The following VPS13B variants were observed in gnomAD, a reference collection of about 807,000 sequenced individuals.
VPS13B encodes the protein intermembrane lipid transfer protein VPS13B.
Under a neutral mutation model 426.4 loss-of-function variants are expected in VPS13B, and 285 were observed. The observed-to-expected ratio is 0.67, with a 90% confidence interval of 0.61 to 0.74. VPS13B has a LOEUF of 0.74. Among genes scored for constraint, VPS13B ranks in the 30% least tolerant of loss-of-function variants. The probability of loss-of-function intolerance (pLI) is 0.00; values close to 1 mark genes in which losing one functional copy is unlikely to be tolerated. For missense variants in VPS13B, 4,537 were observed against 4,782.6 expected, an observed-to-expected ratio of 0.95 and a Z score of 1.51; for synonymous variants, 1,676 against 1,676.4, an observed-to-expected ratio of 1.00 and a Z score of 0.01.
At chr8:99,056,474 T>C (rs911489990) in intron 3 of VPS13B, among the ~76,000 whole-genome samples, 4 of 152,220 alleles carry the variant, frequency 2.6e-5, no homozygotes, top group Non-Finnish European at 5.9e-5. Context: ...TGAAAATATA[T>C]AGAGATAGTT....
chr8:99,717,799 G>T (rs899758164), intron 37 of VPS13B, among the ~76,000 whole-genome samples: 2 of 152,096 alleles, frequency 1.3e-5, no homozygotes, highest in African/African-American at 4.8e-5. Flanking sequence ...TTCTGTGACC[G>T]ACTTCTTTCA....
chr8:99,562,159 C>T (rs1412692064), intron 31 of VPS13B, among the ~76,000 whole-genome samples: 1 of 152,042 alleles, frequency 6.6e-6, no homozygotes, highest in Non-Finnish European at 1.5e-5. Context: ...GGTGGTACAT[C>T]ATTGTGGTTT....
At chr8:99,398,751 G>A (rs973566545) in intron 21 of VPS13B, among the ~76,000 whole-genome samples, 5 of 151,344 alleles carry the variant, frequency 3.3e-5, no homozygotes, top group Admixed American at 2.0e-4. Context: ...ATAAGACTAT[G>A]TATCATTATA....
At chr8:99,618,418 T>C (rs1828204082) in intron 33 of VPS13B, among the ~76,000 whole-genome samples, 1 of 152,196 alleles carries the variant, frequency 6.6e-6, no homozygotes, top group Non-Finnish European at 1.5e-5. Flanking sequence ...CTAGGTCTGC[T>C]GAATCCTAGT....
intron 19 of VPS13B, among the ~76,000 whole-genome samples, chr8:99,308,231 C>A (rs992866040): frequency 2.0e-5 from 3 of 151,386 alleles, no homozygotes; most frequent in Non-Finnish European, 2.9e-5. Flanking sequence ...GCACAACGTG[C>A]AGGTTAGTTA....
chr8:99,219,446 C>T (rs1815569862), intron 17 of VPS13B, among the ~76,000 whole-genome samples: 1 of 152,170 alleles, frequency 6.6e-6, no homozygotes, highest in Admixed American at 6.5e-5. Context: ...AGTTTCTCCC[C>T]AAGGGATGTG....
intron 37 of VPS13B, among the ~76,000 whole-genome samples, chr8:99,717,890 A>G (rs1003552402): frequency 5.9e-5 from 9 of 152,198 alleles, no homozygotes; most frequent in African/African-American, 1.9e-4. Context: ...ACATTCCATC[A>G]TATGGATATA....
intron 60 of VPS13B, 172 bp from the exon 61 acceptor site, chr8:99,871,268 GGTTCTGTT>G: frequency 8.5e-6 from 8 of 944,044 alleles, no homozygotes; most frequent in African/African-American, 1.6e-5. Context: ...GGAGGAAGCA[GGTTCTGTT>G]AATCAGAATC....
chr8:99,411,248 G>T (rs1021433095), intron 21 of VPS13B, among the ~76,000 whole-genome samples: 1 of 151,918 alleles, frequency 6.6e-6, no homozygotes, highest in African/African-American at 2.4e-5. Context: ...TTTAATAATC[G>T]CCATTCTAAC....
At position 99,853,747 on chromosome 8, in the gene VPS13B, C is replaced by G; in HGVS notation, c.10358C>G (p.Pro3453Arg). 4 of 1,614,152 alleles carry G rather than the reference C, an allele frequency of 2.5e-6. No homozygotes were observed. Among genetic ancestry groups the G allele is most frequent in the Non-Finnish European group, 3.4e-6 (4 of 1,180,020 alleles). ...VLVCQGEKAE[P>R]IQCSKMQSLL... ...GTCTGCCAGGGAGAAAAAGCAGAAC[C>G]CATTCAGTGTTCCAAAATGCAGAGT... The change falls in exon 56 of 62, where the codon CCC becomes CGC. Residue 3453 changes from proline to arginine, a missense_variant. Physicochemically the swap from Pro to Arg is moderately radical, Grantham distance 103. This residue lies in a region of VPS13B where 4,311 missense variants were observed against 4,474.3 expected (regional missense o/e 0.96). Coordinates refer to ENST00000357162, the MANE Select transcript of VPS13B (RefSeq NM_152564.5).
At chr8:99,506,832 G>A (rs1265845371) in intron 27 of VPS13B, among the ~76,000 whole-genome samples, 2 of 152,210 alleles carry the variant, frequency 1.3e-5, no homozygotes, top group Non-Finnish European at 2.9e-5. Flanking sequence ...ACTCCAGCCT[G>A]GGCGACAGAG....
chr8:99,675,005 G>A (rs1588613340), intron 35 of VPS13B, among the ~76,000 whole-genome samples: 1 of 151,932 alleles, frequency 6.6e-6, no homozygotes, highest in Non-Finnish European at 1.5e-5. Flanking sequence ...AGAATAGTCT[G>A]CATTTGATGG....
At chr8:99,493,873 T>C (rs180838222) in intron 25 of VPS13B, among the ~76,000 whole-genome samples, 2 of 150,018 alleles carry the variant, frequency 1.3e-5, no homozygotes, top group South Asian at 2.1e-4. Context: ...CCTAATTTAA[T>C]AATTTTAAAG....
At chr8:99,794,834 A>AT (rs1190372715) in intron 43 of VPS13B, among the ~76,000 whole-genome samples, 2 of 152,046 alleles carry the variant, frequency 1.3e-5, no homozygotes, top group Non-Finnish European at 2.9e-5. Context: ...CTACTTTAAG[A>AT]TTTTTCTGAT....
At chr8:99,316,853 T>A (rs539437914) in intron 19 of VPS13B, among the ~76,000 whole-genome samples, 37 of 152,344 alleles carry the variant, frequency 2.4e-4, no homozygotes, top group Admixed American at 2.6e-4. Context: ...TATTTCCTGT[T>A]ATACCAGTAG....
intron 54 of VPS13B, among the ~76,000 whole-genome samples, chr8:99,845,274 T>G (rs898779804): frequency 3.3e-5 from 5 of 151,716 alleles, no homozygotes; most frequent in African/African-American, 1.2e-4. Context: ...CCTCAGGGGG[T>G]TTTGTTCTAC....
chr8:99,870,330 T>C (rs1817331691), intron 59 of VPS13B, among the ~76,000 whole-genome samples: 1 of 152,054 alleles, frequency 6.6e-6, no homozygotes, highest in Admixed American at 6.6e-5. Context: ...CACTATTTAT[T>C]TTTTGTAGAG....
At chr8:99,139,733 G>A (rs1287901057) in intron 12 of VPS13B, among the ~76,000 whole-genome samples, 5 of 151,752 alleles carry the variant, frequency 3.3e-5, no homozygotes, top group East Asian at 3.9e-4. Context: ...CACTGCGCCC[G>A]GCCCTCTGTT....
At chr8:99,333,822 G>C (rs1810673394) in intron 19 of VPS13B, among the ~76,000 whole-genome samples, 1 of 151,848 alleles carries the variant, frequency 6.6e-6, no homozygotes, top group Non-Finnish European at 1.5e-5. Context: ...TAATTCTCTG[G>C]ATGTATACAT....
Sources: gnomAD v4.1 joint callset for allele counts (sites outside exome capture counted in the v4.1 genomes callset) on GRCh38, gnomAD v4.1.1 for gene constraint, gnomAD v4.1.1 regional missense constraint, MANE v1.5 for transcripts, NCBI Gene and HGNC (gene_info 2026-07-23, HGNC 2026-07-21) for gene names.